KIF17: variants seen among roughly 807,000 people sequenced by gnomAD.
KIF17 encodes kinesin family member 17.
Under a neutral mutation model 96.8 loss-of-function variants are expected in KIF17, and 80 were observed. That is an observed-to-expected ratio of 0.83 (90% CI 0.69 to 1.00). The LOEUF is 1.00. Among genes scored for constraint, KIF17 ranks in the 50% least tolerant of loss-of-function variants. The pLI, the probability that KIF17 is intolerant of heterozygous loss-of-function variation, is 0.00. For synonymous variants in KIF17, 567 were observed against 587.5 expected (o/e 0.97, Z 0.51); for missense variants, 1,280 against 1,372.9 (o/e 0.93, Z 1.07).
chr1:20,703,178 A>ATGGATGGACGG (rs1557600805), intron 5 of KIF17, among the ~76,000 whole-genome samples: 1 of 135,794 alleles, frequency 7.4e-6, no homozygotes, highest in African/African-American at 3.0e-5. Flanking sequence ...TGGATGGATG[A>ATGGATGGACGG]ATGGATGGAC....
chr1:20,686,460 T>C, intron 8 of KIF17: 1 of 446,996 alleles, frequency 2.2e-6, no homozygotes, highest in Admixed American at 3.6e-5. Flanking sequence ...ACCTGGGATC[T>C]CTCTCTCTAA....
chr1:20,705,261 G>A (rs1466094138), intron 4 of KIF17, among the ~76,000 whole-genome samples: 1 of 152,226 alleles, frequency 6.6e-6, no homozygotes, highest in Admixed American at 6.5e-5. Context: ...GTAGAGAAGG[G>A]CAGGGGTGTG....
rs2054222117 is a variant in KIF17 at position 20,700,870 on chromosome 1, A to C, written c.1124-2382T>G. Among the ~76,000 whole-genome samples, 1 of 152,122 alleles carries C rather than the reference A, an allele frequency of 6.6e-6. No homozygotes were observed. On this transcript the variant is annotated intron_variant, in intron 5 of 14. Coordinates refer to ENST00000400463, the MANE Select transcript of KIF17 (RefSeq NM_001122819.3). The surrounding 1 kb of genome is among the most constrained non-coding windows in gnomAD (Gnocchi z 4.6). ...AACAGGCCCAGGGCCAGGCAGAGAC[A>C]ACCAGGAACAGCCCCTCAACCCCAA...
At position 20,704,893 on chromosome 1, in the gene KIF17, C is replaced by T. The variant is rs201696480; in HGVS notation, c.677G>A (p.Arg226Gln). 6.8e-5 allele frequency: 109 copies of T among 1,599,828 alleles called. 1 individual carries two copies. The highest frequency in any genetic ancestry group is 8.1e-5 in the Non-Finnish European group (95 of 1,179,824). ...ISIEMSAVDE[R>Q]GKDHLRAGKL... Reference sequence around the variant, plus strand: ...GCCCGCCCGGAGGTGGTCCTTGCCCCGCTCATCTGCACACAGACCAGGCAA... The same window carrying T: ...GCCCGCCCGGAGGTGGTCCTTGCCCTGCTCATCTGCACACAGACCAGGCAA... The change falls in exon 5 of 15, where the codon CGG (arginine) becomes CAG (glutamine). Residue 226 changes from arginine to glutamine, a missense_variant. By Grantham distance (43) the Arg-to-Gln change is conservative. Coordinates refer to ENST00000400463, the MANE Select transcript of KIF17 (RefSeq NM_001122819.3). The surrounding 1 kb of genome is among the most constrained non-coding windows in gnomAD (Gnocchi z 6.8).
intron 7 of KIF17, among the ~76,000 whole-genome samples, chr1:20,689,561 G>A (rs1040343835): frequency 6.6e-6 from 1 of 152,082 alleles, no homozygotes; most frequent in African/African-American, 2.4e-5. Context: ...TGAGGCACGA[G>A]AATTGCTTAA....
chr1:20,674,164 A>G (rs1409659512), intron 11 of KIF17, among the ~76,000 whole-genome samples: 1 of 152,190 alleles, frequency 6.6e-6, no homozygotes, highest in Non-Finnish European at 1.5e-5. Context: ...CCTGGCCTCA[A>G]GCAGTCTTTC....
chr1:20,705,171 C>A (rs959598062), intron 4 of KIF17, among the ~76,000 whole-genome samples: 1 of 152,204 alleles, frequency 6.6e-6, no homozygotes, highest in Non-Finnish European at 1.5e-5. Context: ...AGGAGCAGGG[C>A]CTGGAGTTGC....
At chr1:20,715,878 C>T (rs1248155648) in intron 1 of KIF17, among the ~76,000 whole-genome samples, 3 of 152,226 alleles carry the variant, frequency 2.0e-5, no homozygotes, top group Non-Finnish European at 4.4e-5. Flanking sequence ...GCCCCCTGGG[C>T]TCACATCCAT....
chr1:20,685,135 A>G lies in KIF17; in HGVS notation c.2020-115T>C. On this transcript the variant is annotated intron_variant, in intron 9 of 14. Coordinates refer to ENST00000400463, the MANE Select transcript of KIF17 (RefSeq NM_001122819.3). The surrounding 1 kb of genome is among the most constrained non-coding windows in gnomAD (Gnocchi z 4.1). ...ATTCCGCCTGCTGCAGCCCCGACAG[A>G]TCACCTCCAGCTCAGGGACACCAGT... The G allele has an allele frequency of 2.5e-6, 2 of 805,554 alleles. No individual in the cohort carries two copies. The highest frequency in any genetic ancestry group is 4.3e-6 in the Non-Finnish European group (2 of 466,722). 49.9% of individuals were successfully genotyped at this position (805,554 alleles called of 1,614,324 possible).
At chr1:20,694,506 T>C (rs569516569) in intron 6 of KIF17, among the ~76,000 whole-genome samples, 171 of 152,284 alleles carry the variant, frequency 1.1e-3, no homozygotes, top group South Asian at 4.6e-3. Flanking sequence ...CTTTGTCTCC[T>C]GGAGCCACTG....
intron 11 of KIF17, among the ~76,000 whole-genome samples, chr1:20,681,130 A>AG (rs1253432700): frequency 2.0e-5 from 3 of 150,816 alleles, no homozygotes; most frequent in African/African-American, 7.3e-5. Flanking sequence ...TGTCTCAAAA[A>AG]AAAAAAAAAT....
At position 20,664,314 on chromosome 1, in the gene KIF17, G is replaced by T. The variant is rs1438365530; in HGVS notation, c.*270C>A. 1.5e-6 allele frequency: 2 copies of T among 1,374,226 alleles called. No homozygotes were observed. Among genetic ancestry groups the T allele is most frequent in the Non-Finnish European group, 1.9e-6 (2 of 1,060,290 alleles). 85.1% of individuals were successfully genotyped at this position (1,374,226 alleles called of 1,614,324 possible). On this transcript the variant is annotated 3_prime_UTR_variant, in exon 15 of 15. Coordinates refer to ENST00000400463, the MANE Select transcript of KIF17 (RefSeq NM_001122819.3). ...TGGTGGGCATGGGTGTGGGCTCTGT[G>T]GCAGGTGAGCAGACGGAAACACTGA...
chr1:20,688,720 C>A (rs1474391460), intron 7 of KIF17, among the ~76,000 whole-genome samples: 1 of 152,182 alleles, frequency 6.6e-6, no homozygotes, highest in South Asian at 2.1e-4. Flanking sequence ...GCTAGATCCA[C>A]GGGAGCTAAA....
chr1:20,717,373 C>T, intron 1 of KIF17, 103 bp downstream of exon 1: 1 of 1,360,234 alleles, frequency 7.4e-7, no homozygotes. Flanking sequence ...CTGCGCCCCT[C>T]GAGGGCCTTT....
chr1:20,688,917 T>C (rs1483835116), intron 7 of KIF17, among the ~76,000 whole-genome samples: 1 of 152,220 alleles, frequency 6.6e-6, no homozygotes, highest in Non-Finnish European at 1.5e-5. Flanking sequence ...TGCATTCACA[T>C]GGGCCCCTTA....
Position 20,670,440 on chromosome 1 carries a change from T to C in KIF17, c.2771A>G (p.Asp924Gly). 1 of 1,614,068 alleles carries C rather than the reference T, an allele frequency of 6.2e-7. No individual in the cohort carries two copies. The highest frequency in any genetic ancestry group is 1.3e-5 in the African/African-American group (1 of 75,054). Residue 924 changes from aspartate (D) to glycine (G), a missense_variant, in exon 13 of 15, where the codon GAC becomes GGC. Asp to Gly is a moderately conservative substitution (Grantham distance 94). Transcript: ENST00000400463. ...NKPARKTSAA[D>G]NGEPNMEDDR... The stretch of plus-strand genomic sequence containing the variant: ...CCTCACCATGTTCGGCTCGCCATTG[T>C]CTGCTGCAGAGGTTTTGCGGGCTGG...
chr1:20,717,916 C>T lies in KIF17; in HGVS notation c.-210G>A, dbSNP rs2054614494. 1 of 208,022 alleles carries T rather than the reference C, an allele frequency of 4.8e-6. No homozygotes were observed. Among genetic ancestry groups the T allele is most frequent in the Non-Finnish European group, 8.9e-6 (1 of 112,724 alleles). The allele number at this position is 208,022 out of a possible 1,614,324, so 12.9% of individuals were successfully genotyped here. A position where few individuals can be genotyped will look rare whatever the true frequency, so the allele number is the denominator to read the frequency against. On this transcript the variant is annotated 5_prime_UTR_variant, in exon 1 of 15. Transcript: ENST00000400463. ...GGACCCGAGCCGGGGCCGCCGCTTC[C>T]TCCCGCGCCCGGGCTCGCCCGTTTC...
At chr1:20,666,138 G>T in intron 14 of KIF17, 76 bp downstream of exon 14, 2 of 1,138,236 alleles carry the variant, frequency 1.8e-6, no homozygotes, top group Non-Finnish European at 1.3e-6. Flanking sequence ...ACCCAGGCCT[G>T]TCTGACTTCA....
chr1:20,666,217 G>A lies in KIF17; in HGVS notation c.2905C>T (p.Leu969Phe), dbSNP rs1266230699. ...GGGACAGGGGAGGGACACTCACTGA[G>A]GCTCTTCCTGGCGTCTGTGCTGAGG... The part of the protein sequence containing the change: ...QILSTDARKS[L>F]THHNSPPGLS... The change falls in exon 14 of 15, where the codon CTC becomes TTC. Residue 969 changes from leucine (L) to phenylalanine (F), a missense_variant. Physicochemically the swap from Leu to Phe is conservative, Grantham distance 22. Coordinates refer to ENST00000400463, the MANE Select transcript of KIF17 (RefSeq NM_001122819.3). 5 of 1,611,278 alleles carry A rather than the reference G, an allele frequency of 3.1e-6. No homozygotes were observed. Among genetic ancestry groups the A allele is most frequent in the Non-Finnish European group, 4.2e-6 (5 of 1,177,494 alleles).
Sources: allele counts gnomAD v4.1 joint callset (sites outside exome capture counted in the v4.1 genomes callset), GRCh38; gene constraint gnomAD v4.1.1; non-coding constraint Gnocchi (gnomAD v3.1); transcripts MANE v1.5; gene names NCBI Gene and HGNC (gene_info 2026-07-23, HGNC 2026-07-21).